The following GPC6 variants were observed in gnomAD, a reference collection of about 807,000 sequenced individuals.
GPC6 encodes the protein glypican 6.
GPC6 carries 14 observed loss-of-function variants against 55.2 expected under a neutral mutation model. The ratio of observed to expected loss-of-function variants is 0.25; its 90% confidence interval spans 0.17 to 0.40. GPC6 has a LOEUF of 0.40. Among genes scored for constraint, GPC6 ranks in the 10% least tolerant of loss-of-function variants. The pLI is 1.00. For synonymous variants in GPC6, 278 were observed against 259.6 expected (o/e 1.07, Z -0.68); for missense variants, 641 against 708.5 (o/e 0.90, Z 1.08).
intron 2 of GPC6, among the ~76,000 whole-genome samples, chr13:93,597,802 G>C (rs1877828059): frequency 6.6e-6 from 1 of 152,086 alleles, no homozygotes; most frequent in Non-Finnish European, 1.5e-5. Context: ...TTATCAGTAA[G>C]GCTTCTAGTC....
At chr13:93,894,508 A>G (rs1480410385) in intron 3 of GPC6, among the ~76,000 whole-genome samples, 1 of 152,204 alleles carries the variant, frequency 6.6e-6, no homozygotes, top group Non-Finnish European at 1.5e-5. Context: ...AAAAATAAGC[A>G]TGTAAGAAAA....
Position 93,830,612 on chromosome 13 carries a change from TA to T in GPC6, c.711+93del, listed in dbSNP as rs369020255. ...TTATTCTGTTTTTAAAACCAATGTT[TA>T]AAAAAAAAAAAAAAAAAAAAAAAAA... On this transcript the variant is annotated intron_variant, in intron 3 of 8. Coordinates refer to ENST00000377047, the MANE Select transcript of GPC6 (RefSeq NM_005708.5). 36,259 of 321,512 alleles carry T rather than the reference TA, an allele frequency of 0.11. 442 individuals carry two copies. Among genetic ancestry groups the T allele is most frequent in the African/African-American group, 0.17 (4,575 of 27,304 alleles). 19.9% of individuals were successfully genotyped at this position (321,512 alleles called of 1,614,324 possible).
chr13:94,005,910 CTTTAA>C (rs912032058), intron 3 of GPC6, among the ~76,000 whole-genome samples: 1 of 151,978 alleles, frequency 6.6e-6, no homozygotes, highest in African/African-American at 2.4e-5. Flanking sequence ...TTTCAATAAT[CTTTAA>C]TACTCTCTGC....
intron 4 of GPC6, among the ~76,000 whole-genome samples, chr13:94,046,574 AGT>A (rs1373577833): frequency 6.6e-6 from 1 of 152,144 alleles, no homozygotes; most frequent in African/African-American, 2.4e-5. Flanking sequence ...ATTTTCATAA[AGT>A]CACTTTCCCC....
chr13:93,832,656 T>C (rs1287998306), intron 3 of GPC6, among the ~76,000 whole-genome samples: 3 of 152,142 alleles, frequency 2.0e-5, no homozygotes, highest in African/African-American at 7.2e-5. Context: ...TCAGTGAGTG[T>C]CATTCACAAC....
At chr13:94,096,434 C>T (rs1489865973) in intron 4 of GPC6, among the ~76,000 whole-genome samples, 2 of 151,966 alleles carry the variant, frequency 1.3e-5, no homozygotes, top group Non-Finnish European at 2.9e-5. Flanking sequence ...CTTAGCCGGG[C>T]TCCTGTGTAT....
chr13:94,142,143 A>G (rs1270131696), intron 4 of GPC6, among the ~76,000 whole-genome samples: 2 of 152,166 alleles, frequency 1.3e-5, no homozygotes, highest in Non-Finnish European at 2.9e-5. Flanking sequence ...GAATCTGTCC[A>G]TGTGCCATGT....
intron 1 of GPC6, among the ~76,000 whole-genome samples, chr13:93,367,032 G>A (rs1049224100): frequency 3.3e-5 from 5 of 152,044 alleles, no homozygotes; most frequent in Admixed American, 1.3e-4. Flanking sequence ...AAACCAAGTC[G>A]CAACACATGC....
chr13:94,352,824 A>G (rs908332821), intron 6 of GPC6, among the ~76,000 whole-genome samples: 1 of 152,234 alleles, frequency 6.6e-6, no homozygotes, highest in Admixed American at 6.5e-5. Context: ...GACCAGAATT[A>G]TGTCTTTATT....
intron 2 of GPC6, among the ~76,000 whole-genome samples, chr13:93,647,344 T>A (rs1274035092): frequency 6.6e-6 from 1 of 152,190 alleles, no homozygotes; most frequent in East Asian, 1.9e-4. Flanking sequence ...ATGTGCCAGA[T>A]GGGCTAGTCT....
chr13:93,934,585 C>T (rs1878336137), intron 3 of GPC6, among the ~76,000 whole-genome samples: 1 of 152,162 alleles, frequency 6.6e-6, no homozygotes, highest in Admixed American at 6.5e-5. Context: ...AAATGCATTT[C>T]ATTGAGCAGT....
intron 2 of GPC6, among the ~76,000 whole-genome samples, chr13:93,764,613 A>ACAC: frequency 7.0e-6 from 1 of 143,624 alleles, no homozygotes; most frequent in Non-Finnish European, 1.6e-5. Flanking sequence ...CACACACACC[A>ACAC]CACACACTCA....
chr13:93,936,411 A>G (rs547407331), intron 3 of GPC6, among the ~76,000 whole-genome samples: 2,408 of 151,656 alleles, frequency 0.016, 73 homozygotes, highest in African/African-American at 0.055. Flanking sequence ...GTGTGTGTGT[A>G]TAAACATACA....
At position 93,884,071 on chromosome 13, in the gene GPC6, A is replaced by G. The variant is rs76597740; in HGVS notation, c.711+53526A>G. ...GTATTCGACATATGGCACATACTCAATAAATGTTTTTCATGTAAGAAAAGG... is the reference window on the plus strand; with the variant it reads ...GTATTCGACATATGGCACATACTCAGTAAATGTTTTTCATGTAAGAAAAGG... On this transcript the variant is annotated intron_variant, in intron 3 of 8. Coordinates refer to ENST00000377047, the MANE Select transcript of GPC6 (RefSeq NM_005708.5). Among the ~76,000 whole-genome samples the G allele has an allele frequency of 4.6e-3, 706 of 152,246 alleles. 8 individuals carry two copies. Among genetic ancestry groups the G allele is most frequent in the African/African-American group, 0.016 (677 of 41,584 alleles).
chr13:93,779,843 C>T (rs1885582362), intron 2 of GPC6, among the ~76,000 whole-genome samples: 1 of 152,160 alleles, frequency 6.6e-6, no homozygotes, highest in African/African-American at 2.4e-5. Flanking sequence ...TGGGGAGACT[C>T]TTCCACTCTA....
chr13:93,597,874 G>A lies in GPC6; in HGVS notation c.319+52453G>A, dbSNP rs1338630751. The stretch of plus-strand genomic sequence containing the variant: ...CAAAAGTTATATGTGGGCTGGGCGC[G>A]GTGGCTCACACCTGTAATCCAAGCA... On this transcript the variant is annotated intron_variant, in intron 2 of 8. Coordinates refer to ENST00000377047, the MANE Select transcript of GPC6 (RefSeq NM_005708.5). Among the ~76,000 whole-genome samples, 12 of 152,136 alleles carry A rather than the reference G, an allele frequency of 7.9e-5. 1 individual carries two copies. In the South Asian group the frequency reaches 1.2e-3, roughly 16 times the overall value.
chr13:93,418,172 A>G (rs945550087), intron 1 of GPC6, among the ~76,000 whole-genome samples: 4 of 151,802 alleles, frequency 2.6e-5, no homozygotes, highest in Non-Finnish European at 4.4e-5. Flanking sequence ...TTAAGTGTAT[A>G]TATTTGTAGA....
At chr13:93,422,383 A>C (rs1876954845) in intron 1 of GPC6, among the ~76,000 whole-genome samples, 1 of 152,162 alleles carries the variant, frequency 6.6e-6, no homozygotes, top group Non-Finnish European at 1.5e-5. Flanking sequence ...TCCTTTTCTA[A>C]ATCAAACACA....
At chr13:93,437,333 A>G (rs1175192619) in intron 1 of GPC6, among the ~76,000 whole-genome samples, 1 of 152,208 alleles carries the variant, frequency 6.6e-6, no homozygotes, top group African/African-American at 2.4e-5. Context: ...TAAATGATTA[A>G]GCTTAGTGAG....
Sources: gnomAD v4.1 joint callset for allele counts (sites outside exome capture counted in the v4.1 genomes callset) on GRCh38, gnomAD v4.1.1 for gene constraint, MANE v1.5 for transcripts, NCBI Gene and HGNC (gene_info 2026-07-23, HGNC 2026-07-21) for gene names.